Variants in SFI1 observed in about 807,000 individuals in gnomAD.
SFI1 encodes SFI1 centrin binding protein, also known as protein SFI1 homolog.
SFI1 carries 195 observed loss-of-function variants against 207.5 expected under a neutral mutation model. The observed-to-expected ratio is 0.94, with a 90% CI of 0.84 to 1.06. The LOEUF is 1.06. Among genes scored for constraint, SFI1 ranks in the 50% least tolerant of loss-of-function variants. SFI1 has a pLI of 0.00. For missense variants in SFI1, 1,634 were observed against 1,588.0 expected (o/e 1.03, Z -0.49); for synonymous variants, 630 against 598.9 (o/e 1.05, Z -0.76).
chr22:31,591,405 C>G (rs2065886611), intron 15 of SFI1, among the ~76,000 whole-genome samples: 1 of 152,244 alleles, frequency 6.6e-6, no homozygotes, highest in Non-Finnish European at 1.5e-5. Flanking sequence ...ACCTCTCAAT[C>G]TTTTCCCCAC....
chr22:31,593,260 G>A (rs1165687123), intron 15 of SFI1, among the ~76,000 whole-genome samples: 1 of 146,564 alleles, frequency 6.8e-6, no homozygotes, highest in Admixed American at 6.7e-5. Context: ...CCAGGCAGAG[G>A]GTCTCCTCAC....
rs956272814 is a variant in SFI1, at chr22:31,608,856, G to T, written c.2254+823G>T. On this transcript the variant is annotated intron_variant, in intron 22 of 32. Coordinates refer to ENST00000400288, the MANE Select transcript of SFI1 (RefSeq NM_001007467.3). ...CCTGCTGTATATACATCTTTGGAAAGATTGCAGGGCACAGTGGTACACACC... is the reference window on the plus strand; with the variant it reads ...CCTGCTGTATATACATCTTTGGAAATATTGCAGGGCACAGTGGTACACACC... Among the ~76,000 whole-genome samples the T allele has an allele frequency of 3.3e-5, 5 of 152,070 alleles. No individual in the cohort carries two copies. The East Asian group carries it at 9.8e-4, about 30-fold the overall frequency.
intron 4 of SFI1, among the ~76,000 whole-genome samples, chr22:31,535,635 C>T (rs1321730212): frequency 6.6e-6 from 1 of 152,172 alleles, no homozygotes; most frequent in African/African-American, 2.4e-5. Flanking sequence ...GCCTCTGCCT[C>T]AGCCTCCCAA....
chr22:31,561,227 G>C, intron 7 of SFI1, 63 bp from the exon 8 acceptor site: 1 of 1,442,712 alleles, frequency 6.9e-7, no homozygotes, highest in East Asian at 2.3e-5. Flanking sequence ...CACACTAACT[G>C]CTCCTCTCTT....
chr22:31,506,633 T>G (rs2054685304), intron 1 of SFI1, among the ~76,000 whole-genome samples: 1 of 152,240 alleles, frequency 6.6e-6, no homozygotes, highest in South Asian at 2.1e-4. Flanking sequence ...CCCAAAAGCT[T>G]CTTAAGCTGA....
chr22:31,587,392 C>T (rs769012720), intron 14 of SFI1: 3 of 300,890 alleles, frequency 1.0e-5, no homozygotes, highest in Non-Finnish European at 2.2e-5. Flanking sequence ...GCCTCACTCT[C>T]CCCAGGCTCA....
Position 31,604,331 on chromosome 22 carries a change from A to G in SFI1, c.1904A>G (p.Glu635Gly). The G allele has an allele frequency of 6.3e-7, 1 of 1,579,326 alleles. No homozygotes were observed. Among genetic ancestry groups the G allele is most frequent in the Non-Finnish European group, 8.6e-7 (1 of 1,164,636 alleles). The change falls in exon 19 of 33, where the codon GAG (glutamate) becomes GGG (glycine). Residue 635 changes from glutamate to glycine, a missense_variant. By Grantham distance (98) the Glu-to-Gly change is moderately conservative. Coordinates refer to ENST00000400288, the MANE Select transcript of SFI1 (RefSeq NM_001007467.3). ...WRECLALRGA[E>G]RQKLMRADLH... is the part of the protein sequence containing the mutation. ...CAGTGCCTGGCCCTGCGGGGAGCGG[A>G]GCGGCAGAAGCTGATGCGAGCAGAC... is the stretch of plus-strand genomic sequence containing the variant.
At chr22:31,609,618 G>A (rs1194098126) in intron 22 of SFI1, among the ~76,000 whole-genome samples, 3 of 152,334 alleles carry the variant, frequency 2.0e-5, no homozygotes, top group Admixed American at 1.3e-4. Context: ...CGACTGTAGC[G>A]TGTGTGTTAA....
chr22:31,613,586 A>G lies in SFI1; in HGVS notation c.2743-16A>G. 1 of 1,578,074 alleles carries G rather than the reference A, an allele frequency of 6.3e-7. No individual in the cohort carries two copies. Among genetic ancestry groups the G allele is most frequent in the Non-Finnish European group, 8.6e-7 (1 of 1,160,152 alleles). On this transcript the variant is annotated splice_polypyrimidine_tract_variant and intron_variant, in intron 26 of 32. Transcript: ENST00000400288. ...AGGCAGGGTGTGGCATGAGCTGACC[A>G]GAGGCTGTGTTGTAGGCGGCTCACA...
chr22:31,537,424 G>T (rs2059100200), intron 4 of SFI1, among the ~76,000 whole-genome samples: 2 of 152,286 alleles, frequency 1.3e-5, no homozygotes, highest in South Asian at 4.2e-4. Context: ...GCTTGGCAGT[G>T]GGTGTTGGGT....
At chr22:31,554,835 A>G (rs1339113266) in intron 6 of SFI1, among the ~76,000 whole-genome samples, 4 of 152,028 alleles carry the variant, frequency 2.6e-5, no homozygotes, top group Non-Finnish European at 4.4e-5. Flanking sequence ...AACACTAACT[A>G]TATTACACGA....
chr22:31,606,695 T>A, intron 21 of SFI1: 1 of 40,488 alleles, frequency 2.5e-5, no homozygotes, highest in Non-Finnish European at 4.8e-5. Flanking sequence ...CTTTTTTTCT[T>A]TTTTTTTTTT....
chr22:31,582,027 T>C (rs1388927078), intron 12 of SFI1, among the ~76,000 whole-genome samples: 1 of 151,328 alleles, frequency 6.6e-6, no homozygotes, highest in Non-Finnish European at 1.5e-5. Context: ...ATTTCCATAG[T>C]TGTCTTAAAA....
intron 8 of SFI1, among the ~76,000 whole-genome samples, chr22:31,571,415 C>T (rs762563608): frequency 6.6e-6 from 1 of 151,966 alleles, no homozygotes; most frequent in African/African-American, 2.4e-5. Flanking sequence ...CAGGCTCAAG[C>T]GATCCTCCCA....
intron 1 of SFI1, among the ~76,000 whole-genome samples, chr22:31,501,902 C>G (rs2053842923): frequency 2.0e-5 from 3 of 152,070 alleles, no homozygotes; most frequent in Non-Finnish European, 4.4e-5. Flanking sequence ...TCCCATGTCC[C>G]CACGATAAGC....
chr22:31,551,715 G>A (rs1268238476), intron 6 of SFI1, among the ~76,000 whole-genome samples: 1 of 152,186 alleles, frequency 6.6e-6, no homozygotes, highest in Non-Finnish European at 1.5e-5. Flanking sequence ...ACAGGTGTGA[G>A]CCACTGTGCC....
intron 3 of SFI1, chr22:31,530,557 T>C (rs1569229212): frequency 2.1e-6 from 1 of 465,262 alleles, no homozygotes; most frequent in Admixed American, 2.4e-5. Context: ...TGCTAGGTAC[T>C]GGAGGTACTA....
intron 15 of SFI1, among the ~76,000 whole-genome samples, chr22:31,591,363 A>C (rs2065878225): frequency 6.6e-6 from 1 of 151,828 alleles, no homozygotes. Flanking sequence ...TCCCATGTCT[A>C]CTCCCTTCCA....
At chr22:31,503,584 G>GTTTTTTT (rs34588094) in intron 1 of SFI1, among the ~76,000 whole-genome samples, 3 of 94,476 alleles carry the variant, frequency 3.2e-5, no homozygotes, top group Non-Finnish European at 4.0e-5. Context: ...TTCTTGGACT[G>GTTTTTTT]TTTTTTTTTT....
Sources: gnomAD v4.1 joint callset for allele counts (sites outside exome capture counted in the v4.1 genomes callset) on GRCh38, gnomAD v4.1.1 for gene constraint, MANE v1.5 for transcripts, NCBI Gene and HGNC (gene_info 2026-07-23, HGNC 2026-07-21) for gene names.